Variants in ANO10 observed in about 807,000 individuals in gnomAD.
ANO10 encodes anoctamin-10.
In ANO10, 77 loss-of-function variants were observed where a neutral mutation model predicts 74.7. That is an observed-to-expected ratio of 1.03 (90% CI 0.86 to 1.25). The LOEUF (loss-of-function observed/expected upper bound fraction) is 1.25, where lower values mean the gene tolerates loss of function less well. Among genes scored for constraint, ANO10 ranks in the 50% most tolerant of loss-of-function variants. The pLI, the probability that ANO10 is intolerant of heterozygous loss-of-function variation, is 0.00. For missense variants in ANO10, 721 were observed against 778.1 expected (o/e 0.93, Z 0.87); for synonymous variants, 279 against 284.9 (o/e 0.98, Z 0.21).
At chr3:43,423,534 G>A (rs2092852360) in intron 12 of ANO10, among the ~76,000 whole-genome samples, 1 of 152,146 alleles carries the variant, frequency 6.6e-6, no homozygotes, top group South Asian at 2.1e-4. Context: ...CCAGGCTCCT[G>A]TTACACAATG....
intron 12 of ANO10, chr3:43,372,808 A>G (rs1460334334): frequency 6.5e-7 from 1 of 1,534,826 alleles, no homozygotes; most frequent in African/African-American, 1.4e-5. Context: ...TTGGTGCTCC[A>G]TGAATACCGT....
At chr3:43,378,175 T>C (rs2091863222) in intron 12 of ANO10, among the ~76,000 whole-genome samples, 1 of 152,154 alleles carries the variant, frequency 6.6e-6, no homozygotes, top group South Asian at 2.1e-4. Context: ...AGAACAACCT[T>C]TAATCTAAGA....
At chr3:43,570,523 A>T (rs999732960) in intron 7 of ANO10, among the ~76,000 whole-genome samples, 79 of 152,312 alleles carry the variant, frequency 5.2e-4, no homozygotes, top group Non-Finnish European at 9.7e-4. Context: ...CCTCACAAAT[A>T]ACGCCGCATA....
intron 2 of ANO10, among the ~76,000 whole-genome samples, chr3:43,602,759 T>A (rs1303769147): frequency 2.6e-5 from 4 of 152,226 alleles, no homozygotes; most frequent in Admixed American, 2.6e-4. Flanking sequence ...TGAGGCTAAA[T>A]GGAACTTCTG....
rs996658097 is a variant in ANO10 at position 43,533,022 on chromosome 3, T to C, written c.1797+16698A>G. On this transcript the variant is annotated intron_variant, in intron 11 of 12. Transcript: ENST00000292246. ...CCTAAATCCAGGAGAAGCTCAATAATACCTCCCCTTGCTTCCAGGCATGAT... is the reference window on the plus strand; with the variant it reads ...CCTAAATCCAGGAGAAGCTCAATAACACCTCCCCTTGCTTCCAGGCATGAT... Among the ~76,000 whole-genome samples the C allele has an allele frequency of 2.0e-5, 3 of 152,246 alleles. No individual in the cohort carries two copies. In the East Asian group the frequency reaches 5.8e-4, roughly 29 times the overall value.
At chr3:43,527,908 C>A (rs960062938) in intron 11 of ANO10, among the ~76,000 whole-genome samples, 5 of 151,992 alleles carry the variant, frequency 3.3e-5, no homozygotes, top group African/African-American at 2.4e-5. Flanking sequence ...AGGAAGGCAC[C>A]ATTTTGAGGG....
chr3:43,410,958 T>C (rs868026305), intron 12 of ANO10, among the ~76,000 whole-genome samples: 1 of 151,850 alleles, frequency 6.6e-6, no homozygotes, highest in African/African-American at 2.4e-5. Flanking sequence ...TCTGGTAACA[T>C]GGCAAGCAGA....
At chr3:43,668,513 A>G (rs1334297148) in intron 1 of ANO10, among the ~76,000 whole-genome samples, 1 of 152,094 alleles carries the variant, frequency 6.6e-6, no homozygotes, top group African/African-American at 2.4e-5. Context: ...GCCAGTGTCT[A>G]GAAGAGTTTT....
At chr3:43,454,761 G>A (rs183574473) in intron 11 of ANO10, among the ~76,000 whole-genome samples, 36 of 152,242 alleles carry the variant, frequency 2.4e-4, no homozygotes, top group African/African-American at 8.4e-4. Flanking sequence ...TGTCTTGGTG[G>A]ACTAATGGTT....
At chr3:43,656,101 C>T (rs2083847051) in intron 1 of ANO10, among the ~76,000 whole-genome samples, 1 of 150,950 alleles carries the variant, frequency 6.6e-6, no homozygotes, top group Non-Finnish European at 1.5e-5. Context: ...TGTTTACAAA[C>T]CTTGAGCTAG....
intron 1 of ANO10, among the ~76,000 whole-genome samples, chr3:43,660,315 T>C (rs1033277921): frequency 6.6e-6 from 1 of 152,122 alleles, no homozygotes; most frequent in Non-Finnish European, 1.5e-5. Context: ...TAAAGGAGCA[T>C]GTTCTAAAAC....
intron 1 of ANO10, among the ~76,000 whole-genome samples, chr3:43,678,415 G>A (rs111378279): frequency 2.0e-4 from 31 of 152,260 alleles, no homozygotes; most frequent in South Asian, 8.3e-4. Context: ...ACAGCCCAGC[G>A]CCACACCCTG....
chr3:43,604,275 T>C (rs1380906050), intron 2 of ANO10, among the ~76,000 whole-genome samples: 1 of 152,144 alleles, frequency 6.6e-6, no homozygotes, highest in Non-Finnish European at 1.5e-5. Flanking sequence ...TCATTTCTTA[T>C]ATGGATCTCA....
intron 1 of ANO10, among the ~76,000 whole-genome samples, chr3:43,640,150 T>C (rs1180080379): frequency 2.0e-5 from 3 of 152,186 alleles, no homozygotes; most frequent in African/African-American, 7.2e-5. Context: ...TCATTAGATG[T>C]CTTTATATTT....
At chr3:43,479,742 T>G (rs1300234409) in intron 11 of ANO10, among the ~76,000 whole-genome samples, 4 of 152,168 alleles carry the variant, frequency 2.6e-5, no homozygotes, top group African/African-American at 7.2e-5. Context: ...CATAAAATGA[T>G]AGCCCACAGT....
At chr3:43,443,529 G>A (rs748636657) in intron 11 of ANO10, among the ~76,000 whole-genome samples, 6 of 152,010 alleles carry the variant, frequency 3.9e-5, no homozygotes, top group Non-Finnish European at 7.4e-5. Flanking sequence ...GTATTTGGGG[G>A]TATTGGTTTC....
chr3:43,539,863 A>G (rs547170219), intron 11 of ANO10, among the ~76,000 whole-genome samples: 65 of 152,292 alleles, frequency 4.3e-4, no homozygotes, highest in Non-Finnish European at 7.1e-4. Flanking sequence ...GTGTAAAACG[A>G]TCTCTTGCAG....
chr3:43,597,692 C>T (rs1381091971), intron 4 of ANO10, among the ~76,000 whole-genome samples: 1 of 151,986 alleles, frequency 6.6e-6, no homozygotes, highest in Non-Finnish European at 1.5e-5. Flanking sequence ...AGCACACCAA[C>T]GTGGCACATG....
intron 12 of ANO10, among the ~76,000 whole-genome samples, chr3:43,378,426 C>G (rs752389144): frequency 2.0e-5 from 3 of 152,246 alleles, no homozygotes; most frequent in Admixed American, 6.5e-5. Flanking sequence ...GCAGCCACAA[C>G]TGCAGACCGC....
Sources: allele counts gnomAD v4.1 joint callset (sites outside exome capture counted in the v4.1 genomes callset), GRCh38; gene constraint gnomAD v4.1.1; transcripts MANE v1.5; gene names NCBI Gene and HGNC (gene_info 2026-07-23, HGNC 2026-07-21).